ADAM10: variants seen among roughly 807,000 people sequenced by gnomAD.
ADAM10 encodes disintegrin and metalloproteinase domain-containing protein 10.
ADAM10 carries 17 observed loss-of-function variants against 90.1 expected under a neutral mutation model. That is an observed-to-expected ratio of 0.19 (90% CI 0.13 to 0.28). The LOEUF (loss-of-function observed/expected upper bound fraction) is 0.28. ADAM10 is among the 10% of genes least tolerant of loss of function. The probability of loss-of-function intolerance (pLI) is 1.00; values close to 1 mark genes in which losing one functional copy is unlikely to be tolerated. For synonymous variants in ADAM10, 310 were observed against 298.6 expected, an observed-to-expected ratio of 1.04 and a Z score of -0.40; for missense variants, 610 against 914.3, an observed-to-expected ratio of 0.67 and a Z score of 4.29.
chr15:58,745,068 A>G (rs951388130), intron 1 of ADAM10, among the ~76,000 whole-genome samples: 2 of 152,204 alleles, frequency 1.3e-5, no homozygotes, highest in East Asian at 3.9e-4. Flanking sequence ...CTGTAGTCCT[A>G]GCTACTCTGG....
At chr15:58,678,433 T>C (rs1897344477) in intron 4 of ADAM10, among the ~76,000 whole-genome samples, 1 of 152,150 alleles carries the variant, frequency 6.6e-6, no homozygotes, top group Non-Finnish European at 1.5e-5. Flanking sequence ...CTAGTCTAAT[T>C]ACAGTCAAAA....
intron 4 of ADAM10, among the ~76,000 whole-genome samples, chr15:58,678,505 A>G (rs1192740528): frequency 3.3e-5 from 5 of 152,182 alleles, no homozygotes; most frequent in Non-Finnish European, 5.9e-5. Context: ...TGGTACTTCA[A>G]AGAAGCATTC....
chr15:58,594,029 C>T lies in ADAM10; in HGVS notation c.*3518G>A, dbSNP rs1390039111. On this transcript the variant is annotated 3_prime_UTR_variant, in exon 16 of 16. Coordinates refer to ENST00000260408, the MANE Select transcript of ADAM10 (RefSeq NM_001110.4). Reference sequence around the variant, plus strand: ...GAGAGATGCTGAAACTGAAGTTGTCCTCTGTGGGGCAAACCAATTGTCTTT... The same window carrying T: ...GAGAGATGCTGAAACTGAAGTTGTCTTCTGTGGGGCAAACCAATTGTCTTT... 1 of 152,068 alleles carries T rather than the reference C, an allele frequency of 6.6e-6. No homozygotes were observed. The highest frequency in any genetic ancestry group is 1.5e-5 in the Non-Finnish European group (1 of 68,004). The allele number at this position is 152,068 out of a possible 1,614,324, so 9.4% of individuals were successfully genotyped here. A position where few individuals can be genotyped will look rare whatever the true frequency, so the allele number is the denominator to read the frequency against.
chr15:58,646,043 A>G lies in ADAM10; in HGVS notation c.735+12T>C, dbSNP rs751795953. 1.2e-6 allele frequency: 2 copies of G among 1,613,078 alleles called. No individual in the cohort carries two copies. Among genetic ancestry groups the G allele is most frequent in the Non-Finnish European group, 1.7e-6 (2 of 1,179,430 alleles). On this transcript the variant is annotated intron_variant, in intron 6 of 15. Transcript: ENST00000260408. ...TATGGGAACTACTAAAATAGCGCAT[A>G]ATCATAAATACCTGGGCAATCACAG...
chr15:58,701,276 A>C (rs1434653674), intron 2 of ADAM10, among the ~76,000 whole-genome samples: 1 of 152,166 alleles, frequency 6.6e-6, no homozygotes, highest in Admixed American at 6.6e-5. Context: ...TGGGCAAAGG[A>C]CATGAACAGA....
chr15:58,620,328 A>T (rs1160066257), intron 11 of ADAM10, among the ~76,000 whole-genome samples: 1 of 151,974 alleles, frequency 6.6e-6, no homozygotes, highest in Non-Finnish European at 1.5e-5. Context: ...CTAGCCAGGC[A>T]TGGAGGCACA....
chr15:58,725,475 G>C (rs1190556400), intron 1 of ADAM10, among the ~76,000 whole-genome samples: 1 of 151,426 alleles, frequency 6.6e-6, no homozygotes, highest in Non-Finnish European at 1.5e-5. Flanking sequence ...GAGCCCAGGA[G>C]TCCAAGGTTG....
chr15:58,725,972 A>G (rs575097272), intron 1 of ADAM10, among the ~76,000 whole-genome samples: 1 of 152,218 alleles, frequency 6.6e-6, no homozygotes, highest in African/African-American at 2.4e-5. Context: ...ACCTACACTG[A>G]TGCAAATAAT....
chr15:58,717,553 A>AG (rs1898703264), intron 2 of ADAM10, 24 bp downstream of exon 2: 24 of 1,613,662 alleles, frequency 1.5e-5, no homozygotes, highest in Non-Finnish European at 2.0e-5. Flanking sequence ...AACTTCAGAC[A>AG]CAGTCAGCAA....
At chr15:58,603,029 G>C (rs1352427144) in intron 14 of ADAM10, among the ~76,000 whole-genome samples, 3 of 152,198 alleles carry the variant, frequency 2.0e-5, no homozygotes, top group Admixed American at 6.5e-5. Flanking sequence ...TGACAGGGCT[G>C]AATCTGGCTT....
chr15:58,678,690 A>G (rs2140749980), intron 4 of ADAM10, among the ~76,000 whole-genome samples: 1 of 152,302 alleles, frequency 6.6e-6, no homozygotes, highest in African/African-American at 2.4e-5. Flanking sequence ...AGAAATACTC[A>G]ATGGACTTAA....
At position 58,691,491 on chromosome 15, in the gene ADAM10, A is replaced by G. The variant is rs531485645; in HGVS notation, c.207-9177T>C. 5.9e-5 allele frequency: 36 copies of G among 609,004 alleles called. No individual in the cohort carries two copies. In the East Asian group the frequency reaches 1.2e-3, roughly 20 times the overall value. The allele number at this position is 609,004 out of a possible 1,614,324, so 37.7% of individuals were successfully genotyped here. Reference sequence around the variant, plus strand: ...CTTCATGCAAGACACATACTCTGACAGAGATGTCATCTCATCTCCAGACTG... The same window carrying G: ...CTTCATGCAAGACACATACTCTGACGGAGATGTCATCTCATCTCCAGACTG... On this transcript the variant is annotated intron_variant, in intron 2 of 15. Transcript: ENST00000260408.
At chr15:58,721,366 T>A (rs1281184453) in intron 1 of ADAM10, among the ~76,000 whole-genome samples, 1 of 152,246 alleles carries the variant, frequency 6.6e-6, no homozygotes, top group East Asian at 1.9e-4. Flanking sequence ...ATCTTCTATA[T>A]AAGACCTATG....
intron 4 of ADAM10, among the ~76,000 whole-genome samples, chr15:58,665,917 T>G (rs1462478783): frequency 6.6e-6 from 1 of 152,024 alleles, no homozygotes; most frequent in African/African-American, 2.4e-5. Flanking sequence ...TTCATGACGA[T>G]GATCCTTCCA....
At position 58,722,296 on chromosome 15, in the gene ADAM10, C is replaced by G. The variant is rs139540516; in HGVS notation, c.56-4569G>C. Among the ~76,000 whole-genome samples, 236 of 151,916 alleles carry G rather than the reference C, an allele frequency of 1.6e-3. 4 individuals are homozygous for G. The East Asian group carries it at 0.038, about 24-fold the overall frequency. On this transcript the variant is annotated intron_variant, in intron 1 of 15. Transcript: ENST00000260408. ...GGTGGAGGGTGCAGTGAGCCAAGAT[C>G]GCACCACTGCACTTCAGCCTGGGCA...
chr15:58,622,516 C>T (rs1895816761), intron 10 of ADAM10, among the ~76,000 whole-genome samples: 1 of 152,188 alleles, frequency 6.6e-6, no homozygotes, highest in African/African-American at 2.4e-5. Context: ...AAATGTCCCA[C>T]ATTCTATTTA....
Position 58,682,371 on chromosome 15 carries a change from A to T in ADAM10, c.207-57T>A. On this transcript the variant is annotated intron_variant, in intron 2 of 15. Transcript: ENST00000260408. ...GAAATTAAAAAGATCCAAATTTTAA[A>T]CAATTATTTTTTATTTTAAAAAGTC... The T allele has an allele frequency of 1.9e-6, 3 of 1,579,550 alleles. No homozygotes were observed. In the African/African-American group the frequency reaches 4.1e-5, roughly 22 times the overall value.
intron 10 of ADAM10, among the ~76,000 whole-genome samples, chr15:58,627,406 C>G (rs1895978300): frequency 6.6e-6 from 1 of 152,126 alleles, no homozygotes; most frequent in Admixed American, 6.5e-5. Context: ...GTGCATTTCA[C>G]TTATGCAGAA....
intron 1 of ADAM10, among the ~76,000 whole-genome samples, chr15:58,735,408 T>C (rs1187603462): frequency 1.3e-5 from 2 of 152,126 alleles, no homozygotes; most frequent in Non-Finnish European, 2.9e-5. Context: ...AAGAATAAAA[T>C]AAAATTGTCC....
Sources: gnomAD v4.1 joint callset for allele counts (sites outside exome capture counted in the v4.1 genomes callset) on GRCh38, gnomAD v4.1.1 for gene constraint, MANE v1.5 for transcripts, NCBI Gene and HGNC (gene_info 2026-07-23, HGNC 2026-07-21) for gene names.